Variants in ZNF304 observed in about 807,000 individuals in gnomAD.
The protein encoded by ZNF304 is zinc finger protein 304.
Under a neutral mutation model 7.8 loss-of-function variants are expected in ZNF304, and 7 were observed. That is an observed-to-expected ratio of 0.90 (90% CI 0.51 to 1.69). The LOEUF (loss-of-function observed/expected upper bound fraction) is 1.69, where lower values mean the gene tolerates loss of function less well. Among genes scored for constraint, ZNF304 ranks in the 40% most tolerant of loss-of-function variants. ZNF304 has a pLI of 0.00. For missense variants in ZNF304, 669 were observed against 804.8 expected (o/e 0.83, Z 2.04); for synonymous variants, 280 against 272.4 (o/e 1.03, Z -0.27).
chr19:57,357,874 A>G lies in ZNF304; in HGVS notation c.*25A>G, dbSNP rs141100868. 1.4e-5 allele frequency: 22 copies of G among 1,562,108 alleles called. No individual in the cohort carries two copies. The highest frequency in any genetic ancestry group is 3.7e-5 in the South Asian group (3 of 81,306). On this transcript the variant is annotated 3_prime_UTR_variant, in exon 3 of 3. Coordinates refer to ENST00000282286, the MANE Select transcript of ZNF304 (RefSeq NM_020657.4). The stretch of plus-strand genomic sequence containing the variant: ...ACACCAGAAAATTCACACAAGAGAA[A>G]GGCCTTATGAATGCAGAAAATATGT...
Position 57,356,115 on chromosome 19 carries a change from A to G in ZNF304, c.246A>G (p.Ser82=). The change falls in exon 3 of 3, where the codon TCA becomes TCG. Residue 82 remains serine (S), a synonymous_variant. Transcript: ENST00000282286. Reference sequence around the variant, plus strand: ...TGTCACAGGTCAGGACTGCTGAGTCAGGTCTTTTCCAGAAAGCACACCCAT... The same window carrying G: ...TGTCACAGGTCAGGACTGCTGAGTCGGGTCTTTTCCAGAAAGCACACCCAT... ...EGVSQVRTAE[S]GLFQKAHPCE... is the part of the protein sequence containing the mutation. 6.2e-7 allele frequency: 1 copy of G among 1,614,256 alleles called. No individual in the cohort carries two copies. The highest frequency in any genetic ancestry group is 8.5e-7 in the Non-Finnish European group (1 of 1,180,044).
At chr19:57,354,694 C>A (rs563712871) in intron 2 of ZNF304, among the ~76,000 whole-genome samples, 1 of 152,318 alleles carries the variant, frequency 6.6e-6, no homozygotes, top group East Asian at 1.9e-4. Context: ...GAGGCTTACA[C>A]AGGGGCAAGA....
intron 2 of ZNF304, chr19:57,355,522 C>G (rs1861819349): frequency 4.8e-6 from 3 of 627,720 alleles, no homozygotes; most frequent in Non-Finnish European, 8.5e-6. Flanking sequence ...TTTCCTCATT[C>G]TTGGCACTTT....
chr19:57,354,383 C>T (rs1568517988), intron 2 of ZNF304, among the ~76,000 whole-genome samples: 1 of 152,186 alleles, frequency 6.6e-6, no homozygotes, highest in East Asian at 1.9e-4. Context: ...TGTGGTCTTA[C>T]CTGAGAAGAA....
intron 1 of ZNF304, among the ~76,000 whole-genome samples, chr19:57,352,343 G>A (rs1161146011): frequency 1.3e-5 from 2 of 152,166 alleles, no homozygotes; most frequent in Non-Finnish European, 2.9e-5. Flanking sequence ...TTCTAGTTTA[G>A]TGTCCTGAAT....
At position 57,357,230 on chromosome 19, in the gene ZNF304, A is replaced by G. The variant is rs1201472547; in HGVS notation, c.1361A>G (p.Lys454Arg). The change falls in exon 3 of 3, where the codon AAG becomes AGG. Residue 454 changes from lysine to arginine, a missense_variant. By Grantham distance (26) the Lys-to-Arg change is conservative. Coordinates refer to ENST00000282286, the MANE Select transcript of ZNF304 (RefSeq NM_020657.4). Reference sequence around the variant, plus strand: ...TCCTACGTGTGCAGCAAATGTGGGAAGGCCTTTGGCTGCAAAGACACACTT... The same window carrying G: ...TCCTACGTGTGCAGCAAATGTGGGAGGGCCTTTGGCTGCAAAGACACACTT... ...ARSYVCSKCGKAFGCKDTLVQ... is the reference protein window; with the variant it reads ...ARSYVCSKCGRAFGCKDTLVQ... The G allele has an allele frequency of 6.2e-7, 1 of 1,614,172 alleles. No individual in the cohort carries two copies. Among genetic ancestry groups the G allele is most frequent in the Admixed American group, 1.7e-5 (1 of 60,012 alleles).
At position 57,356,408 on chromosome 19, in the gene ZNF304, C is replaced by T; in HGVS notation, c.539C>T (p.Ser180Phe). 6.2e-7 allele frequency: 1 copy of T among 1,614,192 alleles called. No homozygotes were observed. Among genetic ancestry groups the T allele is most frequent in the South Asian group, 1.1e-5 (1 of 91,082 alleles). ...REEGMDLPDS[S>F]GLFQHQTTYN... ...GAAGGGATGGACTTACCAGATAGCT[C>T]TGGCCTTTTCCAGCACCAGACCACT... Residue 180 changes from serine to phenylalanine, a missense_variant, in exon 3 of 3, where the codon TCT becomes TTT. Ser to Phe is a radical substitution (Grantham distance 155). Transcript: ENST00000282286.
At chr19:57,352,935 A>G (rs772376142) in intron 1 of ZNF304, among the ~76,000 whole-genome samples, 1 of 152,178 alleles carries the variant, frequency 6.6e-6, no homozygotes, top group African/African-American at 2.4e-5. Flanking sequence ...ATCAGGAGTT[A>G]GGCTTTGGTC....
At position 57,351,555 on chromosome 19, in the gene ZNF304, C is replaced by G. The variant is rs1054035397; in HGVS notation, c.-110C>G. ...CCTTAGTCTTGTGAGCGTTTTTACA[C>G]CGGGTAGATTGAGACTTGGAGTGCT... On this transcript the variant is annotated 5_prime_UTR_variant, in exon 1 of 3. Transcript: ENST00000282286. This position sits in a 1 kb window ranked among gnomAD's most constrained non-coding sequence, Gnocchi z 4.1. 2 of 1,372,242 alleles carry G rather than the reference C, an allele frequency of 1.5e-6. No homozygotes were observed. The highest frequency in any genetic ancestry group is 2.1e-6 in the Non-Finnish European group (2 of 973,352). 85.0% of individuals were successfully genotyped at this position (1,372,242 alleles called of 1,614,324 possible).
intron 2 of ZNF304, chr19:57,355,507 T>G (rs1384402073): frequency 2.2e-5 from 14 of 645,852 alleles, no homozygotes; most frequent in Non-Finnish European, 3.6e-5. Flanking sequence ...TCACATCTAC[T>G]TTACTTTCCT....
chr19:57,357,326 G>A lies in ZNF304; in HGVS notation c.1457G>A (p.Arg486His), dbSNP rs778653991. The stretch of plus-strand genomic sequence containing the variant: ...AGTGAATGTGGGAAGGCCTTCAGCC[G>A]TAAAGACACACTTGTGCAACACCAA... ...ECSECGKAFSRKDTLVQHQKI... is the reference protein window; with the variant it reads ...ECSECGKAFSHKDTLVQHQKI... Residue 486 changes from arginine to histidine, a missense_variant, in exon 3 of 3, where the codon CGT becomes CAT. Transcript: ENST00000282286. The A allele has an allele frequency of 1.6e-5, 26 of 1,613,770 alleles. No individual in the cohort carries two copies. Among genetic ancestry groups the A allele is most frequent in the Non-Finnish European group, 1.9e-5 (23 of 1,179,976 alleles).
intron 2 of ZNF304, 76 bp downstream of exon 2, chr19:57,353,927 C>A: frequency 8.3e-7 from 1 of 1,201,584 alleles, no homozygotes; most frequent in South Asian, 1.7e-5. Context: ...CAATAAAAAT[C>A]AATTATCTCT....
Position 57,353,847 on chromosome 19 carries a change from A to C in ZNF304, c.156A>C (p.Thr52=). ...VMLENFALVA[T]LGFWCEAEHE... ...TGGAGAACTTTGCACTTGTGGCTAC[A>C]CTAGGTAAGTCTGTGTTTTAGTTAT... is the stretch of plus-strand genomic sequence containing the variant. The change falls in exon 2 of 3, where the codon ACA becomes ACC. Residue 52 remains threonine, a synonymous_variant. Coordinates refer to ENST00000282286, the MANE Select transcript of ZNF304 (RefSeq NM_020657.4). 6.2e-7 allele frequency: 1 copy of C among 1,600,014 alleles called. No individual in the cohort carries two copies. The highest frequency in any genetic ancestry group is 8.5e-7 in the Non-Finnish European group (1 of 1,172,818).
At position 57,359,296 on chromosome 19, in the gene ZNF304, G is replaced by C. The variant is rs1163226258; in HGVS notation, c.*1447G>C. ...GACTGAGGTGGATGTGGACATCATT[G>C]CTTACCAATTTTTACCAACATTGAG... On this transcript the variant is annotated 3_prime_UTR_variant, in exon 3 of 3. Coordinates refer to ENST00000282286, the MANE Select transcript of ZNF304 (RefSeq NM_020657.4). 6.6e-6 allele frequency: 1 copy of C among 152,204 alleles called. No individual in the cohort carries two copies. 9.4% of individuals were successfully genotyped at this position (152,204 alleles called of 1,614,324 possible).
chr19:57,356,943 A>G lies in ZNF304; in HGVS notation c.1074A>G (p.Thr358=), dbSNP rs2088350379. 6.2e-7 allele frequency: 1 copy of G among 1,608,048 alleles called. No homozygotes were observed. Among genetic ancestry groups the G allele is most frequent in the East Asian group, 2.2e-5 (1 of 44,714 alleles). ...SHLVQHQRIH[T]GERPYKCNKC... is the part of the protein sequence containing the mutation. ...TTGTTCAGCACCAGAGAATTCACAC[A>G]GGAGAAAGGCCTTATAAGTGCAACA... is the stretch of plus-strand genomic sequence containing the variant. The change falls in exon 3 of 3, where the codon ACA becomes ACG. Residue 358 remains threonine, a synonymous_variant. Coordinates refer to ENST00000282286, the MANE Select transcript of ZNF304 (RefSeq NM_020657.4).
Position 57,356,558 on chromosome 19 carries a change from A to G in ZNF304, c.689A>G (p.Lys230Arg). The G allele has an allele frequency of 1.2e-6, 2 of 1,614,188 alleles. No homozygotes were observed. The highest frequency in any genetic ancestry group is 1.7e-6 in the Non-Finnish European group (2 of 1,180,038). Residue 230 changes from lysine to arginine, a missense_variant, in exon 3 of 3, where the codon AAA becomes AGA. Physicochemically the swap from Lys to Arg is conservative, Grantham distance 26. Coordinates refer to ENST00000282286, the MANE Select transcript of ZNF304 (RefSeq NM_020657.4). The stretch of plus-strand genomic sequence containing the variant: ...CTTTTCAGTTGCGGTGATGAAGGGA[A>G]AGCCTTCCTGGACACCTTTACTCTT... ...QMLFSCGDEG[K>R]AFLDTFTLLD... is the part of the protein sequence containing the mutation.
At chr19:57,354,442 G>T (rs1026686226) in intron 2 of ZNF304, among the ~76,000 whole-genome samples, 5 of 152,182 alleles carry the variant, frequency 3.3e-5, no homozygotes, top group Middle Eastern at 6.3e-3. Flanking sequence ...TTAGTTTCTT[G>T]TGGCTTGTTG....
chr19:57,355,961 C>T, intron 2 of ZNF304, 69 bp from the exon 3 acceptor site: 2 of 1,528,906 alleles, frequency 1.3e-6, no homozygotes, highest in Non-Finnish European at 1.8e-6. Context: ...GTTAGACACA[C>T]ATTTGTGATG....
Position 57,356,110 on chromosome 19 carries a change from G to A in ZNF304, c.241G>A (p.Glu81Lys), listed in dbSNP as rs751884367. ...AGGAGTGTCACAGGTCAGGACTGCTGAGTCAGGTCTTTTCCAGAAAGCACA... is the reference window on the plus strand; with the variant it reads ...AGGAGTGTCACAGGTCAGGACTGCTAAGTCAGGTCTTTTCCAGAAAGCACA... ...VEGVSQVRTA[E>K]SGLFQKAHPC... Residue 81 changes from glutamate (E) to lysine (K), a missense_variant, in exon 3 of 3, where the codon GAG (glutamate) becomes AAG (lysine). Coordinates refer to ENST00000282286, the MANE Select transcript of ZNF304 (RefSeq NM_020657.4). 1.2e-6 allele frequency: 2 copies of A among 1,614,250 alleles called. No individual in the cohort carries two copies. The highest frequency in any genetic ancestry group is 8.5e-7 in the Non-Finnish European group (1 of 1,180,048).
Sources: allele counts gnomAD v4.1 joint callset (sites outside exome capture counted in the v4.1 genomes callset), GRCh38; gene constraint gnomAD v4.1.1; non-coding constraint Gnocchi (gnomAD v3.1); transcripts MANE v1.5; gene names NCBI Gene and HGNC (gene_info 2026-07-23, HGNC 2026-07-21).